The following SS18L1 variants were observed in gnomAD, a reference collection of about 807,000 sequenced individuals.
SS18L1 encodes SS18L1 subunit of BAF chromatin remodeling complex, also known as calcium-responsive transactivator.
SS18L1 carries 32 observed loss-of-function variants against 70.3 expected under a neutral mutation model. The observed-to-expected ratio is 0.46, with a 90% CI of 0.34 to 0.61. SS18L1 has a LOEUF of 0.61. SS18L1 is among the 20% of genes least tolerant of loss of function. SS18L1 has a pLI of 0.01. For synonymous variants in SS18L1, 237 were observed against 229.7 expected (o/e 1.03, Z -0.29); for missense variants, 430 against 542.1 (o/e 0.79, Z 2.05).
intron 10 of SS18L1, among the ~76,000 whole-genome samples, chr20:62,177,775 T>C (rs954980592): frequency 2.6e-5 from 4 of 152,114 alleles, no homozygotes; most frequent in African/African-American, 9.7e-5. Context: ...CAGGCTGGAG[T>C]GCAGTGGCAC....
chr20:62,157,297 G>T (rs926085927), intron 1 of SS18L1, among the ~76,000 whole-genome samples: 3 of 152,196 alleles, frequency 2.0e-5, no homozygotes, highest in South Asian at 2.1e-4. Flanking sequence ...GCCTTGGGCC[G>T]CTTGATTTGG....
intron 1 of SS18L1, among the ~76,000 whole-genome samples, chr20:62,150,865 C>T (rs745676599): frequency 5.3e-4 from 81 of 151,948 alleles, no homozygotes; most frequent in South Asian, 3.3e-3. Context: ...TGTGCAGAGT[C>T]GGGAGGGGAG....
chr20:62,174,443 A>T lies in SS18L1; in HGVS notation c.1037-74A>T, dbSNP rs2057584648. 1.9e-6 allele frequency: 3 copies of T among 1,543,130 alleles called. No individual in the cohort carries two copies. The highest frequency in any genetic ancestry group is 2.6e-6 in the Non-Finnish European group (3 of 1,148,652). On this transcript the variant is annotated intron_variant, in intron 9 of 10. Transcript: ENST00000331758. This position sits in a 1 kb window ranked among gnomAD's most constrained non-coding sequence, Gnocchi z 4.1. ...AAGGAGAAGAGGAAGTTTTAAAAAAAATTTTTAAGTTAAGAAAAAAAAAGA... is the reference window on the plus strand; with the variant it reads ...AAGGAGAAGAGGAAGTTTTAAAAAATATTTTTAAGTTAAGAAAAAAAAAGA...
chr20:62,149,091 T>C (rs997705912), intron 1 of SS18L1, among the ~76,000 whole-genome samples: 2 of 152,210 alleles, frequency 1.3e-5, no homozygotes, highest in Admixed American at 1.3e-4. Context: ...CACCTGCCTC[T>C]GTGTGCTTGG....
At chr20:62,151,657 G>A (rs539478645) in intron 1 of SS18L1, among the ~76,000 whole-genome samples, 1 of 152,318 alleles carries the variant, frequency 6.6e-6, no homozygotes, top group African/African-American at 2.4e-5. Context: ...CAACCACGCG[G>A]CTCCGGGAGG....
rs1007917935 is a variant in SS18L1 at position 62,179,440 on chromosome 20, G to A, written c.*232G>A. ...GGTGCTGTGTATAGTATTGTATGTC[G>A]GTACACGGAGAGGTATCCTTTTTTT... On this transcript the variant is annotated 3_prime_UTR_variant, in exon 11 of 11. Coordinates refer to ENST00000331758, the MANE Select transcript of SS18L1 (RefSeq NM_198935.3). 8.8e-6 allele frequency: 5 copies of A among 566,372 alleles called. No individual in the cohort carries two copies. The highest frequency in any genetic ancestry group is 1.6e-5 in the Non-Finnish European group (5 of 315,980). The allele number at this position is 566,372 out of a possible 1,614,324, so 35.1% of individuals were successfully genotyped here.
chr20:62,176,122 A>G (rs1601061110), intron 10 of SS18L1, among the ~76,000 whole-genome samples: 1 of 152,284 alleles, frequency 6.6e-6, no homozygotes, highest in African/African-American at 2.4e-5. Context: ...TACCTCCTTC[A>G]TACAGTCCTG....
At chr20:62,178,152 T>TC (rs1479313146) in intron 10 of SS18L1, among the ~76,000 whole-genome samples, 2 of 146,022 alleles carry the variant, frequency 1.4e-5, no homozygotes, top group African/African-American at 5.1e-5. Context: ...TTTTTTTTTT[T>TC]TTTTTTTTTT....
chr20:62,169,692 T>G (rs150464418), intron 8 of SS18L1, among the ~76,000 whole-genome samples: 1 of 151,662 alleles, frequency 6.6e-6, no homozygotes, highest in Non-Finnish European at 1.5e-5. Flanking sequence ...GGTATGAGAA[T>G]CACTTGAACC....
intron 1 of SS18L1, among the ~76,000 whole-genome samples, chr20:62,147,292 C>T (rs1300580195): frequency 6.6e-6 from 1 of 152,162 alleles, no homozygotes; most frequent in Non-Finnish European, 1.5e-5. Context: ...GTGGCAAGCA[C>T]CACAGAGGAC....
In SS18L1 at chr20:62,163,455, C is replaced by G. The variant is rs760237022; in HGVS notation, c.557-3C>G. ...GATGTGGGGCCTCTGTCCTGTCGTT[C>G]AGTCTCCATGATGCAGCAGCAGGCG... On this transcript the variant is annotated splice_polypyrimidine_tract_variant and splice_region_variant and intron_variant, in intron 5 of 10. Coordinates refer to ENST00000331758, the MANE Select transcript of SS18L1 (RefSeq NM_198935.3). The G allele has an allele frequency of 6.2e-7, 1 of 1,612,054 alleles. No individual in the cohort carries two copies. Among genetic ancestry groups the G allele is most frequent in the Non-Finnish European group, 8.5e-7 (1 of 1,179,834 alleles).
intron 1 of SS18L1, among the ~76,000 whole-genome samples, chr20:62,151,988 C>A (rs900275253): frequency 1.3e-5 from 2 of 151,196 alleles, no homozygotes; most frequent in African/African-American, 4.9e-5. Flanking sequence ...GTCCCCAGGG[C>A]TGGCCTCCCC....
In SS18L1 at chr20:62,161,387, C is replaced by T; in HGVS notation, c.232-49C>T. 1 of 1,612,264 alleles carries T rather than the reference C, an allele frequency of 6.2e-7. No homozygotes were observed. Among genetic ancestry groups the T allele is most frequent in the Middle Eastern group, 1.7e-4 (1 of 6,060 alleles). ...TCCCTGGCCTGGCTTGTGGAGGTCG[C>T]TCTCCGTAAATTAACCGTTTTTCCC... On this transcript the variant is annotated intron_variant, in intron 3 of 10. Transcript: ENST00000331758. This position sits in a 1 kb window ranked among gnomAD's most constrained non-coding sequence, Gnocchi z 4.4.
At chr20:62,169,961 C>G (rs6142965) in intron 8 of SS18L1, among the ~76,000 whole-genome samples, 1 of 152,092 alleles carries the variant, frequency 6.6e-6, no homozygotes, top group Non-Finnish European at 1.5e-5. Flanking sequence ...GTGGTGTGGC[C>G]GGGGCCTGTG....
intron 10 of SS18L1, among the ~76,000 whole-genome samples, chr20:62,177,081 C>T (rs1340223234): frequency 6.6e-6 from 1 of 152,140 alleles, no homozygotes; most frequent in Non-Finnish European, 1.5e-5. Context: ...TGTCAGATGC[C>T]CCAGGGGCAA....
At chr20:62,148,907 C>T (rs550205236) in intron 1 of SS18L1, among the ~76,000 whole-genome samples, 2 of 152,364 alleles carry the variant, frequency 1.3e-5, no homozygotes, top group East Asian at 1.9e-4. Flanking sequence ...TGGTGGGTCT[C>T]CAGAGTCCCT....
chr20:62,151,265 G>A (rs1323478227), intron 1 of SS18L1, among the ~76,000 whole-genome samples: 1 of 152,182 alleles, frequency 6.6e-6, no homozygotes, highest in African/African-American at 2.4e-5. Context: ...ACCCCACGGT[G>A]GGGCTTCAGC....
At chr20:62,153,866 C>T (rs1414081855) in intron 1 of SS18L1, among the ~76,000 whole-genome samples, 1 of 152,114 alleles carries the variant, frequency 6.6e-6, no homozygotes, top group Admixed American at 6.5e-5. Context: ...ATTTTATGGC[C>T]TCCTGAGAAC....
chr20:62,158,625 C>T lies in SS18L1; in HGVS notation c.70-47C>T. 1 of 1,601,312 alleles carries T rather than the reference C, an allele frequency of 6.2e-7. No individual in the cohort carries two copies. On this transcript the variant is annotated intron_variant, in intron 1 of 10. Transcript: ENST00000331758. The surrounding 1 kb of genome is among the most constrained non-coding windows in gnomAD (Gnocchi z 4.5). ...AGCGATGGCTGTTCATCCCGAGGGT[C>T]AGCGACAGCCCCGCGTCGGCAGCGC...
Sources: allele counts gnomAD v4.1 joint callset (sites outside exome capture counted in the v4.1 genomes callset), GRCh38; gene constraint gnomAD v4.1.1; non-coding constraint Gnocchi (gnomAD v3.1); transcripts MANE v1.5; gene names NCBI Gene and HGNC (gene_info 2026-07-23, HGNC 2026-07-21).